Variants in ARMH3 observed in about 807,000 individuals in gnomAD.
ARMH3 encodes the protein armadillo like helical domain containing 3.
A neutral mutation model predicts 99.1 loss-of-function variants in ARMH3; 60 were observed. The ratio of observed to expected loss-of-function variants is 0.61; its 90% CI spans 0.49 to 0.75. The LOEUF (loss-of-function observed/expected upper bound fraction) is 0.75. ARMH3 is among the 30% of genes least tolerant of loss of function. The probability of loss-of-function intolerance (pLI) is 0.00; values close to 1 mark genes in which losing one functional copy is unlikely to be tolerated. For synonymous variants in ARMH3, 285 were observed against 292.8 expected, an observed-to-expected ratio of 0.97 and a Z score of 0.27; for missense variants, 679 against 843.1, an observed-to-expected ratio of 0.81 and a Z score of 2.41.
In ARMH3 at chr10:101,978,812, G is replaced by T. The variant is rs554038206; in HGVS notation, c.1407-3512C>A. Among the ~76,000 whole-genome samples the T allele has an allele frequency of 2.0e-5, 3 of 152,056 alleles. No individual in the cohort carries two copies. The South Asian group carries it at 6.2e-4, about 32-fold the overall frequency. On this transcript the variant is annotated intron_variant, in intron 19 of 25. Coordinates refer to ENST00000370033, the MANE Select transcript of ARMH3 (RefSeq NM_024541.3). ...AAAAATTAGCTGGGCGTGGTGGCAG[G>T]CGCCTGTAATCCCAGCTACTCAGGA... is the stretch of plus-strand genomic sequence containing the variant.
intron 11 of ARMH3, 56 bp downstream of exon 11, chr10:102,011,667 C>T: frequency 6.7e-7 from 1 of 1,483,070 alleles, no homozygotes; most frequent in Non-Finnish European, 9.3e-7. Context: ...TTGTCCACCC[C>T]TGCAGACCAC....
At chr10:101,949,310 G>C (rs764172985) in intron 22 of ARMH3, among the ~76,000 whole-genome samples, 1 of 151,146 alleles carries the variant, frequency 6.6e-6, no homozygotes, top group Non-Finnish European at 1.5e-5. Context: ...TCTGAGGAGG[G>C]GAAATCAATA....
chr10:101,956,459 G>T, intron 22 of ARMH3, 138 bp downstream of exon 22: 1 of 1,126,978 alleles, frequency 8.9e-7, no homozygotes. Context: ...CCTATTGCCT[G>T]AGAAGAGGAG....
At chr10:102,006,245 G>T (rs1218763453) in intron 14 of ARMH3, among the ~76,000 whole-genome samples, 1 of 152,238 alleles carries the variant, frequency 6.6e-6, no homozygotes, top group Non-Finnish European at 1.5e-5. Flanking sequence ...AGGACTCTGA[G>T]AGTGTGGCAG....
At chr10:101,910,731 CAA>C (rs1227264596) in intron 23 of ARMH3, among the ~76,000 whole-genome samples, 4 of 77,592 alleles carry the variant, frequency 5.2e-5, no homozygotes, top group Non-Finnish European at 5.1e-5. Context: ...GACTCCATCT[CAA>C]AAAAAAAAAA....
chr10:102,002,168 T>G, intron 14 of ARMH3, 96 bp from the exon 15 acceptor site: 1 of 1,548,220 alleles, frequency 6.5e-7, no homozygotes, highest in Non-Finnish European at 8.7e-7. Context: ...AAAAAATCAC[T>G]AAATAAGCTT....
intron 24 of ARMH3, among the ~76,000 whole-genome samples, chr10:101,864,080 C>CAT (rs1171863525): frequency 6.2e-5 from 7 of 113,512 alleles, no homozygotes; most frequent in African/African-American, 2.6e-4. Context: ...AAAAAAAAAA[C>CAT]ACACACACAC....
At chr10:102,031,105 T>A (rs947224282) in intron 4 of ARMH3, among the ~76,000 whole-genome samples, 2 of 152,190 alleles carry the variant, frequency 1.3e-5, no homozygotes, top group African/African-American at 4.8e-5. Flanking sequence ...TAATTATTTT[T>A]AATAACTATA....
intron 23 of ARMH3, among the ~76,000 whole-genome samples, chr10:101,923,990 G>A (rs1191654083): frequency 6.6e-6 from 1 of 152,200 alleles, no homozygotes; most frequent in Non-Finnish European, 1.5e-5. Context: ...CCAAAGCCCA[G>A]AAAGGGGAGA....
intron 15 of ARMH3, among the ~76,000 whole-genome samples, chr10:101,998,421 T>C (rs559289840): frequency 2.6e-5 from 4 of 152,224 alleles, no homozygotes; most frequent in Non-Finnish European, 5.9e-5. Flanking sequence ...TGTTAGGAGT[T>C]AGTGACATGG....
At chr10:102,024,516 A>T (rs1408642787) in intron 6 of ARMH3, among the ~76,000 whole-genome samples, 1 of 152,050 alleles carries the variant, frequency 6.6e-6, no homozygotes, top group African/African-American at 2.4e-5. Flanking sequence ...GCGGTGGCTC[A>T]CACCTGTAAT....
intron 24 of ARMH3, among the ~76,000 whole-genome samples, chr10:101,880,629 C>T (rs1564715419): frequency 6.6e-6 from 1 of 152,122 alleles, no homozygotes; most frequent in Non-Finnish European, 1.5e-5. Flanking sequence ...ATCAGCTCCC[C>T]TCCCACCACT....
chr10:101,890,194 A>G (rs1259810603), intron 23 of ARMH3, among the ~76,000 whole-genome samples: 1 of 151,546 alleles, frequency 6.6e-6, no homozygotes, highest in Non-Finnish European at 1.5e-5. Flanking sequence ...ATGAATATAA[A>G]TGATTCATAG....
intron 23 of ARMH3, among the ~76,000 whole-genome samples, chr10:101,908,664 C>CTTT (rs373262667): frequency 7.3e-6 from 1 of 137,360 alleles, no homozygotes; most frequent in Non-Finnish European, 1.6e-5. Context: ...TTTTCTTTTT[C>CTTT]TTTTTTTTTT....
At chr10:101,867,840 A>C (rs2067039960) in intron 24 of ARMH3, among the ~76,000 whole-genome samples, 1 of 151,996 alleles carries the variant, frequency 6.6e-6, no homozygotes, top group Non-Finnish European at 1.5e-5. Context: ...CCAAAAAAAA[A>C]AGAAAAAGCC....
At chr10:101,916,601 A>G (rs1321723074) in intron 23 of ARMH3, among the ~76,000 whole-genome samples, 1 of 152,120 alleles carries the variant, frequency 6.6e-6, no homozygotes, top group East Asian at 1.9e-4. Context: ...ATACAGCAAA[A>G]CTTACCCTTT....
intron 24 of ARMH3, among the ~76,000 whole-genome samples, chr10:101,872,740 C>T (rs1291345718): frequency 6.6e-6 from 1 of 151,776 alleles, no homozygotes; most frequent in East Asian, 1.9e-4. Context: ...GGTGGATCAT[C>T]TGAGGTCAGG....
chr10:101,966,354 G>A (rs1308242287), intron 20 of ARMH3, among the ~76,000 whole-genome samples: 9 of 128,306 alleles, frequency 7.0e-5, no homozygotes, highest in Non-Finnish European at 1.4e-4. Flanking sequence ...TTGGCTCACT[G>A]CAACCTCTGC....
chr10:101,987,559 G>T (rs961703899), intron 19 of ARMH3, among the ~76,000 whole-genome samples: 5 of 152,192 alleles, frequency 3.3e-5, no homozygotes, highest in South Asian at 2.1e-4. Flanking sequence ...CCCCAATCTG[G>T]TATTCACACA....
Sources: gnomAD v4.1 joint callset for allele counts (sites outside exome capture counted in the v4.1 genomes callset) on GRCh38, gnomAD v4.1.1 for gene constraint, MANE v1.5 for transcripts, NCBI Gene and HGNC (gene_info 2026-07-23, HGNC 2026-07-21) for gene names.